Variants in MTHFD2L observed in about 807,000 individuals in gnomAD.
The protein encoded by MTHFD2L is methylenetetrahydrofolate dehydrogenase (NADP+ dependent) 2 like.
MTHFD2L carries 29 observed loss-of-function variants against 34.9 expected under a neutral mutation model. The ratio of observed to expected loss-of-function variants is 0.83; its 90% confidence interval spans 0.62 to 1.13. The LOEUF (loss-of-function observed/expected upper bound fraction) is 1.13. Among genes scored for constraint, MTHFD2L ranks in the 50% most tolerant of loss-of-function variants. The pLI is 0.00. For synonymous variants in MTHFD2L, 167 were observed against 155.7 expected, an observed-to-expected ratio of 1.07 and a Z score of -0.54; for missense variants, 481 against 446.5, an observed-to-expected ratio of 1.08 and a Z score of -0.70.
At chr4:74,123,970 T>C (rs1027003279), upstream of MTHFD2L, among the ~76,000 whole-genome samples, 128 of 152,144 alleles carry the variant, frequency 8.4e-4, 1 homozygote, top group Non-Finnish European at 1.9e-4. Flanking sequence ...AGACATTTAG[T>C]TGCTAAAATT....
chr4:74,239,962 C>T (rs1379161813), intron 6 of MTHFD2L, among the ~76,000 whole-genome samples: 1 of 152,052 alleles, frequency 6.6e-6, no homozygotes, highest in African/African-American at 2.4e-5. Flanking sequence ...GGTAGTTGGT[C>T]AGGATATACT....
chr4:74,123,173 T>C (rs1721843733), upstream of MTHFD2L: 2 of 152,184 alleles, frequency 1.3e-5, no homozygotes. Context: ...AGTGGCATAT[T>C]GAATTTTGTG....
intron 3 of MTHFD2L, among the ~76,000 whole-genome samples, chr4:74,179,722 A>G (rs187597961): frequency 8.5e-5 from 13 of 152,234 alleles, no homozygotes; most frequent in Admixed American, 5.9e-4. Context: ...TTGTAAAACA[A>G]TGCATATGTA....
intron 5 of MTHFD2L, among the ~76,000 whole-genome samples, chr4:74,213,078 GTC>G (rs1280842835): frequency 2.0e-5 from 3 of 151,406 alleles, no homozygotes; most frequent in African/African-American, 7.3e-5. Flanking sequence ...TTTATTTTGA[GTC>G]TATGTGTGTC....
intron 1 of MTHFD2L, among the ~76,000 whole-genome samples, chr4:74,127,565 G>A (rs1226891238): frequency 6.6e-6 from 1 of 152,054 alleles, no homozygotes; most frequent in Non-Finnish European, 1.5e-5. Flanking sequence ...CTATGTTGCT[G>A]CAAATGACAG....
chr4:74,230,190 A>C (rs1739797425), intron 6 of MTHFD2L, among the ~76,000 whole-genome samples: 1 of 152,244 alleles, frequency 6.6e-6, no homozygotes, highest in Non-Finnish European at 1.5e-5. Context: ...ATCATAAAGT[A>C]GTTGCTAAAG....
chr4:74,288,780 T>A (rs1748512509), intron 7 of MTHFD2L, among the ~76,000 whole-genome samples: 1 of 152,186 alleles, frequency 6.6e-6, no homozygotes, highest in Non-Finnish European at 1.5e-5. Context: ...GCAATAACAT[T>A]TGTGCAGGTA....
Position 74,286,691 on chromosome 4 carries a change from C to T in MTHFD2L, c.931+5141C>T, listed in dbSNP as rs959817995. ...GGCCTCATTTACTTCTCATAGCTAA[C>T]GCAAAGACATTTCTCTACCCTTTTG... On this transcript the variant is annotated intron_variant, in intron 7 of 7. Transcript: ENST00000325278. Among the ~76,000 whole-genome samples the T allele has an allele frequency of 9.2e-5, 14 of 152,252 alleles. 1 individual carries two copies. The East Asian group carries it at 1.7e-3, about 19-fold the overall frequency.
chr4:74,229,228 A>G (rs1739648032), intron 6 of MTHFD2L, among the ~76,000 whole-genome samples: 1 of 152,230 alleles, frequency 6.6e-6, no homozygotes, highest in African/African-American at 2.4e-5. Flanking sequence ...TAAAACATGT[A>G]GGCATTTATA....
chr4:74,286,829 A>C (rs943447505), intron 7 of MTHFD2L, among the ~76,000 whole-genome samples: 1 of 152,090 alleles, frequency 6.6e-6, no homozygotes, highest in Non-Finnish European at 1.5e-5. Flanking sequence ...CTGTATTCCA[A>C]CTCTGACAAT....
At chr4:74,189,056 A>ATAAGGTTAAATATAGAT (rs1731961036) in intron 3 of MTHFD2L, among the ~76,000 whole-genome samples, 1 of 152,070 alleles carries the variant, frequency 6.6e-6, no homozygotes, top group Non-Finnish European at 1.5e-5. Context: ...TGGGTAGACT[A>ATAAGGTTAAATATAGAT]TAAGGTTAAA....
At chr4:74,290,308 G>T (rs1748718166) in intron 7 of MTHFD2L, among the ~76,000 whole-genome samples, 1 of 152,148 alleles carries the variant, frequency 6.6e-6, no homozygotes, top group African/African-American at 2.4e-5. Flanking sequence ...GGAGTGCTTT[G>T]TAAGCAGCTT....
chr4:74,140,703 G>A (rs1199184257), intron 1 of MTHFD2L: 12 of 265,358 alleles, frequency 4.5e-5, no homozygotes, highest in Non-Finnish European at 6.4e-5. Flanking sequence ...GAGGCCTCAG[G>A]AAACTTACAA....
intron 6 of MTHFD2L, among the ~76,000 whole-genome samples, chr4:74,258,836 C>T (rs1578641606): frequency 6.6e-6 from 1 of 152,012 alleles, no homozygotes; most frequent in Middle Eastern, 3.4e-3. Flanking sequence ...TTTATTAAGT[C>T]AGGAAAACTA....
intron 6 of MTHFD2L, among the ~76,000 whole-genome samples, chr4:74,245,940 G>A (rs1392450526): frequency 2.0e-5 from 3 of 149,532 alleles, no homozygotes; most frequent in South Asian, 2.1e-4. Context: ...ATAAACATAC[G>A]TGTGCATGTA....
intron 6 of MTHFD2L, chr4:74,267,203 G>T (rs1745388238): frequency 2.0e-6 from 2 of 984,934 alleles, no homozygotes; most frequent in African/African-American, 3.5e-5. Context: ...CTTGCCTATT[G>T]TCCCTACTGG....
intron 2 of MTHFD2L, among the ~76,000 whole-genome samples, chr4:74,117,176 A>T (rs935907773): frequency 6.6e-6 from 1 of 152,220 alleles, no homozygotes; most frequent in Non-Finnish European, 1.5e-5. Flanking sequence ...ACAACAAATG[A>T]CATTGTCTAG....
chr4:74,164,891 G>C (rs924152291), intron 1 of MTHFD2L: 3 of 834,178 alleles, frequency 3.6e-6, no homozygotes, highest in Non-Finnish European at 4.3e-6. Context: ...CTTTTGGAAG[G>C]GAGGGCACCT....
chr4:74,118,453 A>G (rs959025013), upstream of MTHFD2L, among the ~76,000 whole-genome samples: 4 of 152,230 alleles, frequency 2.6e-5, no homozygotes, highest in Admixed American at 6.5e-5. Context: ...GAGCAAAGGC[A>G]TTTCATTAAG....
Sources: allele counts gnomAD v4.1 joint callset (sites outside exome capture counted in the v4.1 genomes callset), GRCh38; gene constraint gnomAD v4.1.1; transcripts MANE v1.5; gene names NCBI Gene and HGNC (gene_info 2026-07-23, HGNC 2026-07-21).